Variants in GLRA1 observed in about 807,000 individuals in gnomAD.
GLRA1 encodes the protein glycine receptor alpha 1.
Under a neutral mutation model 48.3 loss-of-function variants are expected in GLRA1, and 37 were observed. The observed-to-expected ratio is 0.77, with a 90% confidence interval of 0.59 to 1.01. GLRA1 has a LOEUF of 1.01. Among genes scored for constraint, GLRA1 ranks in the 50% least tolerant of loss-of-function variants. The pLI is 0.00. For missense variants in GLRA1, 427 were observed against 571.0 expected, an observed-to-expected ratio of 0.75 and a Z score of 2.57; for synonymous variants, 196 against 210.7, an observed-to-expected ratio of 0.93 and a Z score of 0.60.
intron 1 of GLRA1, among the ~76,000 whole-genome samples, chr5:151,895,982 A>C (rs1561576164): frequency 6.6e-6 from 1 of 152,162 alleles, no homozygotes. Flanking sequence ...AGATTTGGGA[A>C]CATAGTACTC....
chr5:151,858,213 G>C (rs569312579), intron 4 of GLRA1, among the ~76,000 whole-genome samples: 2 of 152,226 alleles, frequency 1.3e-5, no homozygotes, highest in South Asian at 4.1e-4. Context: ...TTAAGCACAA[G>C]GTTGAAGCAA....
intron 5 of GLRA1, 32 bp from the exon 6 acceptor site, chr5:151,855,209 C>T: frequency 6.2e-7 from 1 of 1,608,262 alleles, no homozygotes; most frequent in Non-Finnish European, 8.5e-7. Flanking sequence ...GAGCAGTCAC[C>T]ACTCAGAAGC....
chr5:151,845,685 A>G (rs1443953472), intron 7 of GLRA1, among the ~76,000 whole-genome samples: 1 of 152,232 alleles, frequency 6.6e-6, no homozygotes, highest in African/African-American at 2.4e-5. Context: ...GCATGTAGTT[A>G]ACATGTGACA....
At chr5:151,830,814 A>G (rs943501416) in intron 7 of GLRA1, among the ~76,000 whole-genome samples, 6 of 152,242 alleles carry the variant, frequency 3.9e-5, no homozygotes, top group African/African-American at 1.2e-4. Context: ...TTGATTTTCA[A>G]AGTTGCCACA....
Position 151,822,973 on chromosome 5 carries a change from ATT to A in GLRA1, c.1060-12_1060-11del. On this transcript the variant is annotated splice_polypyrimidine_tract_variant and intron_variant, in intron 8 of 8. Transcript: ENST00000274576. ...CTCCAGCTTCATCCTCCTGGAATAG[ATT>A]CAACATGGGGCTCTACTTAAAATAA... The A allele has an allele frequency of 6.9e-6, 11 of 1,593,134 alleles. No homozygotes were observed. Among genetic ancestry groups the A allele is most frequent in the Non-Finnish European group, 7.7e-6 (9 of 1,168,564 alleles).
intron 3 of GLRA1, among the ~76,000 whole-genome samples, chr5:151,877,683 G>A (rs1581637824): frequency 6.6e-6 from 1 of 152,298 alleles, no homozygotes; most frequent in Non-Finnish European, 1.5e-5. Context: ...CTGTTCTCGT[G>A]ATAGTGAATA....
At chr5:151,889,450 G>A (rs1754001083) in intron 2 of GLRA1, among the ~76,000 whole-genome samples, 1 of 152,186 alleles carries the variant, frequency 6.6e-6, no homozygotes, top group Non-Finnish European at 1.5e-5. Flanking sequence ...GACTCATTTG[G>A]GGTCATGCCT....
At chr5:151,855,810 G>T (rs910848533) in intron 5 of GLRA1, among the ~76,000 whole-genome samples, 11 of 152,208 alleles carry the variant, frequency 7.2e-5, no homozygotes, top group African/African-American at 2.7e-4. Flanking sequence ...TATCCAATCT[G>T]TTAAAATCCC....
At position 151,905,731 on chromosome 5, in the gene GLRA1, T is replaced by G. The variant is rs17112371; in HGVS notation, c.57-13293A>C. On this transcript the variant is annotated intron_variant, in intron 1 of 8. Coordinates refer to ENST00000274576, the MANE Select transcript of GLRA1 (RefSeq NM_000171.4). ...AGTGTGCTAGGGGCAAGGGCTGAAG[T>G]CAACGGTGAGTAAGTAAAAGTTGAA... Among the ~76,000 whole-genome samples, 1,515 of 152,124 alleles carry G rather than the reference T, an allele frequency of 1.0e-2. 28 individuals carry two copies. Among genetic ancestry groups the G allele is most frequent in the African/African-American group, 0.035 (1,435 of 41,534 alleles).
intron 3 of GLRA1, among the ~76,000 whole-genome samples, chr5:151,876,611 C>T (rs1235727355): frequency 6.6e-6 from 1 of 152,104 alleles, no homozygotes; most frequent in East Asian, 1.9e-4. Flanking sequence ...AAAGCAGAGA[C>T]CTCCTACTCA....
In GLRA1 at chr5:151,895,063, AGAT is replaced by A. The variant is rs112229583; in HGVS notation, c.57-2628_57-2626del. Among the ~76,000 whole-genome samples the A allele has an allele frequency of 8.7e-3, 1,331 of 152,314 alleles. 33 individuals carry two copies. Among genetic ancestry groups the A allele is most frequent in the African/African-American group, 0.029 (1,225 of 41,558 alleles). On this transcript the variant is annotated intron_variant, in intron 1 of 8. Coordinates refer to ENST00000274576, the MANE Select transcript of GLRA1 (RefSeq NM_000171.4). ...GGTGGGTTTCTAGGTATGATTGTATAGATGTGTTATGTATACAGATGGATGGAT... is the reference window on the plus strand; with the variant it reads ...GGTGGGTTTCTAGGTATGATTGTATAGTGTTATGTATACAGATGGATGGAT...
At chr5:151,850,308 A>G (rs894435119) in intron 7 of GLRA1, 6 of 1,595,346 alleles carry the variant, frequency 3.8e-6, no homozygotes, top group African/African-American at 1.3e-5. Context: ...CTGTGAAAGA[A>G]TCAGCATGGG....
intron 7 of GLRA1, among the ~76,000 whole-genome samples, chr5:151,843,256 ATTTTTTTTT>A (rs34491994): frequency 4.1e-5 from 5 of 120,768 alleles, no homozygotes; most frequent in East Asian, 2.4e-4. Flanking sequence ...CTGCTTCTAA[ATTTTTTTTT>A]TTTTTTTTTT....
intron 1 of GLRA1, among the ~76,000 whole-genome samples, chr5:151,921,263 G>A (rs1754865847): frequency 6.6e-6 from 1 of 152,110 alleles, no homozygotes; most frequent in Non-Finnish European, 1.5e-5. Flanking sequence ...TTCATGAGGG[G>A]CATTTTCTCA....
intron 1 of GLRA1, among the ~76,000 whole-genome samples, chr5:151,920,192 T>C (rs979506515): frequency 1.3e-5 from 2 of 152,144 alleles, no homozygotes. Context: ...CCTTTGTGGG[T>C]ATGGGCCCCT....
At chr5:151,828,712 G>C (rs891345314) in intron 8 of GLRA1, among the ~76,000 whole-genome samples, 1 of 152,172 alleles carries the variant, frequency 6.6e-6, no homozygotes, top group Admixed American at 6.6e-5. Context: ...TTACTGTTAG[G>C]ATTCGAAGAG....
intron 1 of GLRA1, among the ~76,000 whole-genome samples, chr5:151,895,161 A>G (rs1289685659): frequency 2.6e-5 from 4 of 152,194 alleles, no homozygotes; most frequent in African/African-American, 9.7e-5. Context: ...ATTGGGTCAC[A>G]TAGGTTTGTA....
intron 1 of GLRA1, among the ~76,000 whole-genome samples, chr5:151,903,020 G>GA (rs1182352400): frequency 6.6e-6 from 1 of 152,110 alleles, no homozygotes; most frequent in Non-Finnish European, 1.5e-5. Flanking sequence ...AAAGCCATTA[G>GA]AAAAAACATA....
chr5:151,907,844 T>C (rs1422954504), intron 1 of GLRA1, among the ~76,000 whole-genome samples: 1 of 152,238 alleles, frequency 6.6e-6, no homozygotes, highest in African/African-American at 2.4e-5. Flanking sequence ...CTTTCTTGCC[T>C]GGGATTTTCT....
Sources: gnomAD v4.1 joint callset for allele counts (sites outside exome capture counted in the v4.1 genomes callset) on GRCh38, gnomAD v4.1.1 for gene constraint, MANE v1.5 for transcripts, NCBI Gene and HGNC (gene_info 2026-07-23, HGNC 2026-07-21) for gene names.